CFAP54: variants seen among roughly 807,000 people sequenced by gnomAD.
CFAP54 encodes cilia- and flagella-associated protein 54.
CFAP54 carries 290 observed loss-of-function variants against 370.4 expected under a neutral mutation model. That is an observed-to-expected ratio of 0.78 (90% confidence interval 0.71 to 0.86). The LOEUF (loss-of-function observed/expected upper bound fraction) is 0.86, where lower values mean the gene tolerates loss of function less well. CFAP54 is among the 40% of genes least tolerant of loss of function. The pLI, the probability that CFAP54 is intolerant of heterozygous loss-of-function variation, is 0.00. For synonymous variants in CFAP54, 1,206 were observed against 1,236.5 expected (o/e 0.98, Z 0.52); for missense variants, 3,399 against 3,528.7 (o/e 0.96, Z 0.93).
chr12:96,799,830 A>G (rs1446288469), intron 63 of CFAP54, among the ~76,000 whole-genome samples: 1 of 152,352 alleles, frequency 6.6e-6, no homozygotes, highest in Non-Finnish European at 1.5e-5. Context: ...ATAGTGAATC[A>G]TAAATAGCAT....
chr12:96,728,548 C>G (rs1957873183), intron 50 of CFAP54, among the ~76,000 whole-genome samples: 1 of 152,210 alleles, frequency 6.6e-6, no homozygotes, highest in Non-Finnish European at 1.5e-5. Flanking sequence ...AAGCACTTCT[C>G]TGTATTGGTT....
intron 60 of CFAP54, 137 bp downstream of exon 60, chr12:96,765,355 G>T: frequency 1.5e-6 from 1 of 680,550 alleles, no homozygotes; most frequent in South Asian, 5.0e-5. Context: ...GGGGATCATA[G>T]GGGTCCTAGG....
chr12:96,552,753 G>A (rs1001590338), intron 15 of CFAP54, among the ~76,000 whole-genome samples: 2 of 152,158 alleles, frequency 1.3e-5, no homozygotes, highest in East Asian at 3.8e-4. Context: ...AACTGGAGTA[G>A]GCTTATACTA....
At chr12:96,559,747 C>T (rs1955796384) in intron 17 of CFAP54, among the ~76,000 whole-genome samples, 1 of 152,048 alleles carries the variant, frequency 6.6e-6, no homozygotes, top group African/African-American at 2.4e-5. Flanking sequence ...AAAACTGTAG[C>T]ATTTGTCAGC....
intron 17 of CFAP54, 54 bp from the exon 18 acceptor site, chr12:96,564,414 A>T: frequency 3.1e-6 from 2 of 638,876 alleles, no homozygotes; most frequent in Non-Finnish European, 5.6e-6. Context: ...TTTAAAAAAT[A>T]TTTCCTCTCT....
intron 24 of CFAP54, among the ~76,000 whole-genome samples, chr12:96,593,493 A>G (rs1956146745): frequency 6.6e-6 from 1 of 152,166 alleles, no homozygotes; most frequent in Non-Finnish European, 1.5e-5. Flanking sequence ...GTAGAGCCCA[A>G]GTACTCACAA....
chr12:96,616,528 GAA>G lies in CFAP54; in HGVS notation c.3640-5058_3640-5057del, dbSNP rs375273634. Reference sequence around the variant, plus strand: ...AAGTGTAAAAAGAAAAAGATAAACAGAAAAAGATAATTAGATTACATGATGAT... The same window carrying G: ...AAGTGTAAAAAGAAAAAGATAAACAGAAAGATAATTAGATTACATGATGAT... On this transcript the variant is annotated intron_variant, in intron 26 of 67. Coordinates refer to ENST00000524981, the MANE Select transcript of CFAP54 (RefSeq NM_001306084.2). Among the ~76,000 whole-genome samples, 20 of 152,084 alleles carry G rather than the reference GAA, an allele frequency of 1.3e-4. No individual in the cohort carries two copies. The East Asian group carries it at 3.9e-3, about 29-fold the overall frequency.
intron 65 of CFAP54, among the ~76,000 whole-genome samples, chr12:96,825,419 CATGTTATATTATATATAATAT>C (rs1269721276): frequency 7.1e-5 from 7 of 98,396 alleles, no homozygotes; most frequent in South Asian, 6.2e-4. Flanking sequence ...TAATATGTAA[CATGTTATATTATATATAATAT>C]ATGTTATATT....
intron 32 of CFAP54, among the ~76,000 whole-genome samples, chr12:96,633,069 C>G (rs1051902563): frequency 1.1e-4 from 16 of 152,028 alleles, no homozygotes; most frequent in Non-Finnish European, 2.2e-4. Context: ...GCGTACTGAT[C>G]TTCTAAACAA....
chr12:96,783,910 T>C (rs1040065532), intron 60 of CFAP54, among the ~76,000 whole-genome samples: 4 of 151,614 alleles, frequency 2.6e-5, no homozygotes, highest in African/African-American at 9.7e-5. Context: ...AAAAGAAAAG[T>C]AAGAGTCAGA....
chr12:96,699,821 CTG>C lies in CFAP54; in HGVS notation c.6352-146_6352-145del, dbSNP rs1054202627. 2.5e-5 allele frequency: 15 copies of C among 600,956 alleles called. 1 individual carries two copies. Among genetic ancestry groups the C allele is most frequent in the Admixed American group, 1.7e-4 (5 of 30,022 alleles). The allele number at this position is 600,956 out of a possible 1,614,324, so 37.2% of individuals were successfully genotyped here. ...ACATAGACACACGCATCTCTCTCCA[CTG>C]TGTCTAGTAAACATTAATTCATAAT... On this transcript the variant is annotated intron_variant, in intron 45 of 67. Coordinates refer to ENST00000524981, the MANE Select transcript of CFAP54 (RefSeq NM_001306084.2).
intron 36 of CFAP54, among the ~76,000 whole-genome samples, chr12:96,657,382 A>G (rs1023426600): frequency 6.6e-6 from 1 of 152,176 alleles, no homozygotes; most frequent in South Asian, 2.1e-4. Context: ...AATGTAACCA[A>G]CGTATTAGGG....
intron 66 of CFAP54, among the ~76,000 whole-genome samples, chr12:96,836,203 G>A (rs1959185705): frequency 6.6e-6 from 1 of 152,200 alleles, no homozygotes; most frequent in Admixed American, 6.5e-5. Flanking sequence ...CTAAAGGCAA[G>A]TTTATCTACT....
intron 14 of CFAP54, among the ~76,000 whole-genome samples, chr12:96,545,728 T>C (rs941680312): frequency 2.6e-5 from 4 of 152,206 alleles, no homozygotes; most frequent in Admixed American, 6.5e-5. Flanking sequence ...CTAAAGGTTA[T>C]TAGATCATAC....
rs560762665 is a variant in CFAP54 at position 96,742,195 on chromosome 12, G to A, written c.7072-244G>A. 3.9e-5 allele frequency among the ~76,000 whole-genome samples: 6 copies of A among 152,144 alleles called. No individual in the cohort carries two copies. The South Asian group carries it at 1.0e-3, about 26-fold the overall frequency. On this transcript the variant is annotated intron_variant, in intron 51 of 67. Transcript: ENST00000524981. ...AAAACTATTTTTCAACAATGGGTAC[G>A]GAGAGAAAAGGAAAGCTGAAAAGCA...
intron 40 of CFAP54, among the ~76,000 whole-genome samples, chr12:96,684,102 T>C (rs1215928670): frequency 6.6e-6 from 1 of 152,216 alleles, no homozygotes; most frequent in Admixed American, 6.5e-5. Flanking sequence ...AATTATGTGA[T>C]ATTAAAGATA....
At chr12:96,708,921 C>A in intron 48 of CFAP54, 118 bp downstream of exon 48, 1 of 779,312 alleles carries the variant, frequency 1.3e-6, no homozygotes, top group Non-Finnish European at 2.0e-6. Context: ...TTTCTCTATG[C>A]TTATATAATG....
Position 96,594,341 on chromosome 12 carries a change from C to T in CFAP54, c.3411C>T (p.Ser1137=), listed in dbSNP as rs889496143. The change falls in exon 25 of 68, where the codon AGC becomes AGT. Residue 1137 remains serine (S), a synonymous_variant. Coordinates refer to ENST00000524981, the MANE Select transcript of CFAP54 (RefSeq NM_001306084.2). ...CERVLVALEL[S]NFLNDSSYAL... ...GAGTATTAGTGGCATTGGAACTTAG[C>T]AACTTCCTAAATGATTCCAGCTATG... The T allele has an allele frequency of 4.6e-6, 7 of 1,534,358 alleles. No individual in the cohort carries two copies. The highest frequency in any genetic ancestry group is 1.7e-4 in the Middle Eastern group (1 of 5,978).
At chr12:96,729,361 T>C (rs911105033) in intron 50 of CFAP54, among the ~76,000 whole-genome samples, 12 of 152,256 alleles carry the variant, frequency 7.9e-5, no homozygotes, top group Non-Finnish European at 1.5e-5. Context: ...CTGCTTTGTT[T>C]ACCTAAGCAA....
Sources: gnomAD v4.1 joint callset for allele counts (sites outside exome capture counted in the v4.1 genomes callset) on GRCh38, gnomAD v4.1.1 for gene constraint, MANE v1.5 for transcripts, NCBI Gene and HGNC (gene_info 2026-07-23, HGNC 2026-07-21) for gene names.